The following UBXN10 variants were observed in gnomAD, a reference collection of about 807,000 sequenced individuals.
The protein encoded by UBXN10 is UBX domain protein 10.
A neutral mutation model predicts 6.9 loss-of-function variants in UBXN10; 6 were observed. The ratio of observed to expected loss-of-function variants is 0.87; its 90% confidence interval spans 0.48 to 1.72. UBXN10 has a LOEUF of 1.72. Among genes scored for constraint, UBXN10 ranks in the 40% most tolerant of loss-of-function variants. The pLI is 0.01. For synonymous variants in UBXN10, 131 were observed against 135.2 expected (o/e 0.97, Z 0.21); for missense variants, 317 against 348.4 (o/e 0.91, Z 0.72).
chr1:20,192,676 C>T lies in UBXN10; in HGVS notation c.*1272C>T. On this transcript the variant is annotated 3_prime_UTR_variant, in exon 2 of 2. Transcript: ENST00000375099. The stretch of plus-strand genomic sequence containing the variant: ...CTCAGACATTCTGTGCATGTTGTTC[C>T]CCCAAAGCATGGTCATCACAAAGTC... 6.0e-6 allele frequency: 1 copy of T among 167,160 alleles called. No individual in the cohort carries two copies. 10.4% of individuals were successfully genotyped at this position (167,160 alleles called of 1,614,324 possible). A position where few individuals can be genotyped will look rare whatever the true frequency, so the allele number is the denominator to read the frequency against.
intron 1 of UBXN10, chr1:20,186,355 C>T (rs1258203673): frequency 6.6e-6 from 1 of 152,302 alleles, no homozygotes; most frequent in African/African-American, 2.4e-5. Flanking sequence ...CTGGCCAGAG[C>T]TCACCTTTAC....
intron 1 of UBXN10, among the ~76,000 whole-genome samples, chr1:20,190,239 T>C (rs1197794234): frequency 6.6e-6 from 1 of 152,100 alleles, no homozygotes; most frequent in Non-Finnish European, 1.5e-5. Context: ...TTAATCACGC[T>C]CTGGTGCAAT....
At chr1:20,184,814 GGT>G (rs1240494583), upstream of UBXN10, among the ~76,000 whole-genome samples, 1 of 152,034 alleles carries the variant, frequency 6.6e-6, no homozygotes, top group African/African-American at 2.4e-5. Flanking sequence ...GAGAGGGAGA[GGT>G]GGGAGGTTTC....
rs544146803 is a variant in UBXN10, at chr1:20,187,513, C to T, written c.-16+1360C>T. Among the ~76,000 whole-genome samples the T allele has an allele frequency of 2.0e-5, 3 of 152,226 alleles. No homozygotes were observed. In the South Asian group the frequency reaches 6.2e-4, roughly 32 times the overall value. On this transcript the variant is annotated intron_variant, in intron 1 of 1. Coordinates refer to ENST00000375099, the MANE Select transcript of UBXN10 (RefSeq NM_152376.5). This position sits in a 1 kb window ranked among gnomAD's most constrained non-coding sequence, Gnocchi z 4.6. ...ACACCTGTTTCCCCCACCGCCCATC[C>T]CTGTGTGATGGGTGCTGGGGAGAGC... is the stretch of plus-strand genomic sequence containing the variant.
At position 20,195,674 on chromosome 1, in the gene UBXN10, A is replaced by G. The variant is rs2018586895; in HGVS notation, c.*4270A>G. On this transcript the variant is annotated 3_prime_UTR_variant, in exon 2 of 2. Transcript: ENST00000375099. Reference sequence around the variant, plus strand: ...GGCAGGCAGGGGAAAGACACTGACCAGCAGGAACATTCCCATCAAGGAAAT... The same window carrying G: ...GGCAGGCAGGGGAAAGACACTGACCGGCAGGAACATTCCCATCAAGGAAAT... 1 of 167,152 alleles carries G rather than the reference A, an allele frequency of 6.0e-6. No individual in the cohort carries two copies. The highest frequency in any genetic ancestry group is 1.5e-5 in the Non-Finnish European group (1 of 68,126). The allele number at this position is 167,152 out of a possible 1,614,324, so 10.4% of individuals were successfully genotyped here. A position where few individuals can be genotyped will look rare whatever the true frequency, so the allele number is the denominator to read the frequency against.
chr1:20,188,138 GAGA>G, intron 1 of UBXN10, among the ~76,000 whole-genome samples: 1 of 152,202 alleles, frequency 6.6e-6, no homozygotes, highest in South Asian at 2.1e-4. Flanking sequence ...AGAAAGACTT[GAGA>G]AGGAGACTAA....
chr1:20,189,041 C>G (rs1285080290), intron 1 of UBXN10, among the ~76,000 whole-genome samples: 1 of 152,152 alleles, frequency 6.6e-6, no homozygotes, highest in Non-Finnish European at 1.5e-5. Context: ...AGTAATACCT[C>G]TAAGATCATT....
rs948033346 is a variant in UBXN10, at chr1:20,187,644, T to C, written c.-16+1491T>C. On this transcript the variant is annotated intron_variant, in intron 1 of 1. Coordinates refer to ENST00000375099, the MANE Select transcript of UBXN10 (RefSeq NM_152376.5). This position sits in a 1 kb window ranked among gnomAD's most constrained non-coding sequence, Gnocchi z 4.6. Reference sequence around the variant, plus strand: ...TTTACCTGAAGGAGGTGTTAGTCTCTAAATAACCATGAGTGGGCTCCTAGG... The same window carrying C: ...TTTACCTGAAGGAGGTGTTAGTCTCCAAATAACCATGAGTGGGCTCCTAGG... Among the ~76,000 whole-genome samples the C allele has an allele frequency of 1.3e-5, 2 of 152,186 alleles. No homozygotes were observed. Among genetic ancestry groups the C allele is most frequent in the African/African-American group, 4.8e-5 (2 of 41,450 alleles).
At chr1:20,186,747 A>G (rs1233388111) in intron 1 of UBXN10, among the ~76,000 whole-genome samples, 1 of 152,148 alleles carries the variant, frequency 6.6e-6, no homozygotes, top group Admixed American at 6.5e-5. Context: ...CTTGTGGTTC[A>G]GTGTGGCACT....
chr1:20,191,385 A>G lies in UBXN10; in HGVS notation c.824A>G (p.Asp275Gly). ...TCTGTGCTGGGCATCTCACTGGAAGATGGGGAAGGGTGGCCCTGAGTCCAC... is the reference window on the plus strand; with the variant it reads ...TCTGTGCTGGGCATCTCACTGGAAGGTGGGGAAGGGTGGCCCTGAGTCCAC... The part of the protein sequence containing the change: ...HKSVLGISLE[D>G]GEGWP The change falls in exon 2 of 2, where the codon GAT becomes GGT. Residue 275 changes from aspartate to glycine, a missense_variant. Physicochemically the swap from Asp to Gly is moderately conservative, Grantham distance 94 (BLOSUM62 -1). Transcript: ENST00000375099. This position sits in a 1 kb window ranked among gnomAD's most constrained non-coding sequence, Gnocchi z 4.5. The G allele has an allele frequency of 4.3e-6, 7 of 1,610,590 alleles. No homozygotes were observed. The highest frequency in any genetic ancestry group is 5.1e-6 in the Non-Finnish European group (6 of 1,177,096).
Position 20,187,402 on chromosome 1 carries a change from G to A in UBXN10, c.-16+1249G>A, listed in dbSNP as rs1041351646. ...GAACTGAGCAGGGAGAATCATGGCTGCTGCCTCAATCCTGGACTGAGGGTG... is the reference window on the plus strand; with the variant it reads ...GAACTGAGCAGGGAGAATCATGGCTACTGCCTCAATCCTGGACTGAGGGTG... On this transcript the variant is annotated intron_variant, in intron 1 of 1. Coordinates refer to ENST00000375099, the MANE Select transcript of UBXN10 (RefSeq NM_152376.5). This position sits in a 1 kb window ranked among gnomAD's most constrained non-coding sequence, Gnocchi z 4.6. 3.9e-5 allele frequency among the ~76,000 whole-genome samples: 6 copies of A among 152,024 alleles called. No homozygotes were observed. Among genetic ancestry groups the A allele is most frequent in the Non-Finnish European group, 8.8e-5 (6 of 67,998 alleles).
intron 1 of UBXN10, among the ~76,000 whole-genome samples, chr1:20,188,647 A>G (rs570124478): frequency 6.6e-6 from 1 of 152,254 alleles, no homozygotes; most frequent in Non-Finnish European, 1.5e-5. Context: ...ATTAGAAGAG[A>G]AGTGATCAAC....
Position 20,192,380 on chromosome 1 carries a change from C to T in UBXN10, c.*976C>T, listed in dbSNP as rs1295770882. ...CAGAGGTGCCTGTTCTGACTTAGAA[C>T]CTCTGGAGGAGGAGGGGGGTGCCTT... On this transcript the variant is annotated 3_prime_UTR_variant, in exon 2 of 2. Transcript: ENST00000375099. 6.0e-6 allele frequency: 1 copy of T among 167,084 alleles called. No individual in the cohort carries two copies. Among genetic ancestry groups the T allele is most frequent in the African/African-American group, 2.4e-5 (1 of 41,436 alleles). The allele number at this position is 167,084 out of a possible 1,614,324, so 10.4% of individuals were successfully genotyped here.
At chr1:20,188,939 G>A (rs2018445236) in intron 1 of UBXN10, among the ~76,000 whole-genome samples, 1 of 152,174 alleles carries the variant, frequency 6.6e-6, no homozygotes. Context: ...TTTCTACCAT[G>A]CACTAAGCCT....
At chr1:20,185,883 G>C (rs2018365903), upstream of UBXN10, among the ~76,000 whole-genome samples, 1 of 152,196 alleles carries the variant, frequency 6.6e-6, no homozygotes, top group Admixed American at 6.5e-5. Flanking sequence ...ACGCTAGGAA[G>C]AGGAGGAGAG....
intron 1 of UBXN10, among the ~76,000 whole-genome samples, chr1:20,186,654 T>A (rs763895565): frequency 2.0e-5 from 3 of 152,228 alleles, no homozygotes; most frequent in Admixed American, 1.3e-4. Context: ...TTGGACTTAA[T>A]TGAGTTATCC....
At chr1:20,184,193 A>ACATG (rs1289438663), upstream of UBXN10, 5 of 107,412 alleles carry the variant, frequency 4.7e-5, no homozygotes, top group Admixed American at 3.9e-4. Flanking sequence ...GTGCGTGCGC[A>ACATG]CACGCACACA....
chr1:20,183,379 GGAA>G (rs2018306700), upstream of UBXN10, among the ~76,000 whole-genome samples: 2 of 152,348 alleles, frequency 1.3e-5, no homozygotes, highest in African/African-American at 4.8e-5. Context: ...GGGCCATGGG[GGAA>G]CACGCAGGTG....
rs2018569116 is a variant in UBXN10, at chr1:20,194,570, CTA to C, written c.*3167_*3168del. On this transcript the variant is annotated 3_prime_UTR_variant, in exon 2 of 2. Coordinates refer to ENST00000375099, the MANE Select transcript of UBXN10 (RefSeq NM_152376.5). ...TCATTCCAATTAATAACCTTAAAGA[CTA>C]GAGCCAGATCCACCTGCATTACAAA... The C allele has an allele frequency of 6.0e-6, 1 of 167,070 alleles. No individual in the cohort carries two copies. The allele number at this position is 167,070 out of a possible 1,614,324, so 10.3% of individuals were successfully genotyped here.
Sources: gnomAD v4.1 joint callset for allele counts (sites outside exome capture counted in the v4.1 genomes callset) on GRCh38, gnomAD v4.1.1 for gene constraint, Gnocchi (gnomAD v3.1) non-coding constraint, MANE v1.5 for transcripts, NCBI Gene and HGNC (gene_info 2026-07-23, HGNC 2026-07-21) for gene names.